The following TAOK1 variants were observed in gnomAD, a reference collection of about 807,000 sequenced individuals.
TAOK1 encodes serine/threonine-protein kinase TAO1.
A neutral mutation model predicts 138.3 loss-of-function variants in TAOK1; 21 were observed. The ratio of observed to expected loss-of-function variants is 0.15; its 90% CI spans 0.11 to 0.22. The LOEUF (loss-of-function observed/expected upper bound fraction) is 0.22. Ranked by LOEUF, TAOK1 falls within the 10% of genes least tolerant of loss-of-function variation. The pLI is 1.00. For missense variants in TAOK1, 651 were observed against 1,227.7 expected (o/e 0.53, Z 7.02); for synonymous variants, 361 against 398.4 (o/e 0.91, Z 1.12).
In TAOK1 at chr17:29,451,488, T is replaced by C; in HGVS notation, c.-61T>C. 3.3e-6 allele frequency: 5 copies of C among 1,518,418 alleles called. No homozygotes were observed. The highest frequency in any genetic ancestry group is 4.4e-6 in the Non-Finnish European group (5 of 1,135,304). The allele number at this position is 1,518,418 out of a possible 1,614,324, so 94.1% of individuals were successfully genotyped here. A position where few individuals can be genotyped will look rare whatever the true frequency, so the allele number is the denominator to read the frequency against. Reference sequence around the variant, plus strand: ...GCCAACGTGACTTCATTCATACAGATGAACCAAGGATCGGGATAGCAGTAT... The same window carrying C: ...GCCAACGTGACTTCATTCATACAGACGAACCAAGGATCGGGATAGCAGTAT... On this transcript the variant is annotated 5_prime_UTR_variant, in exon 2 of 20. It removes an upstream start codon present in the reference 5' UTR. Transcript: ENST00000261716.
intron 6 of TAOK1, among the ~76,000 whole-genome samples, chr17:29,478,642 T>C (rs1369497802): frequency 1.3e-5 from 2 of 152,190 alleles, no homozygotes; most frequent in African/African-American, 4.8e-5. Context: ...GGAATGGGCA[T>C]TAGAGAATCA....
intron 17 of TAOK1, among the ~76,000 whole-genome samples, chr17:29,526,658 C>A (rs1161154820): frequency 6.6e-6 from 1 of 151,948 alleles, no homozygotes; most frequent in Non-Finnish European, 1.5e-5. Flanking sequence ...AAGTGATCCA[C>A]CCACCTCAGC....
At chr17:29,398,102 C>T (rs1904720301) in intron 1 of TAOK1, among the ~76,000 whole-genome samples, 2 of 152,090 alleles carry the variant, frequency 1.3e-5, no homozygotes, top group African/African-American at 4.8e-5. Flanking sequence ...CATGGGGGCT[C>T]AGGCAGTCCT....
intron 1 of TAOK1, among the ~76,000 whole-genome samples, chr17:29,408,199 G>A (rs1297246743): frequency 2.0e-5 from 3 of 150,640 alleles, no homozygotes; most frequent in Non-Finnish European, 3.0e-5. Flanking sequence ...TTACAGGTGT[G>A]TGCCACTGCA....
chr17:29,495,255 A>G (rs1259320954), intron 10 of TAOK1, among the ~76,000 whole-genome samples: 1 of 152,208 alleles, frequency 6.6e-6, no homozygotes, highest in Non-Finnish European at 1.5e-5. Flanking sequence ...TTCTTAGAAT[A>G]TGTAAACCTT....
chr17:29,440,084 T>C (rs2029894580), intron 1 of TAOK1, among the ~76,000 whole-genome samples: 1 of 152,142 alleles, frequency 6.6e-6, no homozygotes, highest in Admixed American at 6.5e-5. Context: ...TTTTGAGCTA[T>C]GATATTAAAC....
At chr17:29,511,055 C>T (rs2031711515) in intron 15 of TAOK1, 63 bp downstream of exon 15, 2 of 1,453,840 alleles carry the variant, frequency 1.4e-6, no homozygotes. Flanking sequence ...CAATGGTGAC[C>T]AACTCATAGA....
chr17:29,515,778 G>A (rs907948418), intron 15 of TAOK1, among the ~76,000 whole-genome samples: 10 of 151,798 alleles, frequency 6.6e-5, no homozygotes, highest in Non-Finnish European at 1.0e-4. Flanking sequence ...GGAGGTTGCA[G>A]TGAGCCGAGA....
chr17:29,431,761 C>T (rs1472108404), intron 1 of TAOK1, among the ~76,000 whole-genome samples: 1 of 151,060 alleles, frequency 6.6e-6, no homozygotes, highest in African/African-American at 2.4e-5. Flanking sequence ...CTCAGCCTCC[C>T]AAGTAGCTGG....
chr17:29,402,433 G>C (rs1904876238), intron 1 of TAOK1, among the ~76,000 whole-genome samples: 1 of 151,970 alleles, frequency 6.6e-6, no homozygotes, highest in Non-Finnish European at 1.5e-5. Context: ...CTACCAAGTA[G>C]CTGAGACTAC....
intron 12 of TAOK1, among the ~76,000 whole-genome samples, chr17:29,501,309 A>G (rs549437578): frequency 2.2e-4 from 33 of 151,516 alleles, no homozygotes; most frequent in African/African-American, 7.7e-4. Flanking sequence ...GAGGCTGAGT[A>G]GTGGAGGCAC....
At chr17:29,514,784 G>A (rs2031783226) in intron 15 of TAOK1, 1 of 150,522 alleles carries the variant, frequency 6.6e-6, no homozygotes, top group African/African-American at 2.5e-5. Context: ...TTGAGCCCAG[G>A]AGTTCAAGAC....
At chr17:29,458,553 A>C (rs962376027) in intron 2 of TAOK1, among the ~76,000 whole-genome samples, 3 of 152,224 alleles carry the variant, frequency 2.0e-5, no homozygotes, top group African/African-American at 4.8e-5. Context: ...GCTGGAGTGC[A>C]ATGGCACAAT....
chr17:29,413,547 G>T (rs894122279), intron 1 of TAOK1, among the ~76,000 whole-genome samples: 6 of 152,142 alleles, frequency 3.9e-5, no homozygotes, highest in African/African-American at 1.4e-4. Flanking sequence ...AGTGAGTGGA[G>T]ATCACGCCAC....
At chr17:29,446,508 T>G (rs1412717834) in intron 1 of TAOK1, among the ~76,000 whole-genome samples, 9 of 152,128 alleles carry the variant, frequency 5.9e-5, no homozygotes. Flanking sequence ...CCCAAAGTGC[T>G]GAGATTACAG....
intron 1 of TAOK1, among the ~76,000 whole-genome samples, chr17:29,422,561 G>T (rs1311924726): frequency 6.6e-6 from 1 of 152,106 alleles, no homozygotes; most frequent in East Asian, 1.9e-4. Context: ...TTTTTTCAGA[G>T]ACTCTCCATT....
intron 2 of TAOK1, among the ~76,000 whole-genome samples, chr17:29,457,093 T>C (rs1005570999): frequency 8.0e-5 from 7 of 87,184 alleles, no homozygotes; most frequent in African/African-American, 1.7e-4. Flanking sequence ...CTTTTTCTTT[T>C]TTTTTTTTTT....
At chr17:29,395,509 C>T (rs911959238) in intron 1 of TAOK1, among the ~76,000 whole-genome samples, 1 of 151,920 alleles carries the variant, frequency 6.6e-6, no homozygotes, top group South Asian at 2.1e-4. Context: ...ACAGCCTGGG[C>T]GGCAGAACAA....
intron 19 of TAOK1, among the ~76,000 whole-genome samples, chr17:29,534,718 C>A (rs1329680387): frequency 6.6e-6 from 1 of 152,168 alleles, no homozygotes. Context: ...AGGAATATTA[C>A]CTTACTCATA....
Sources: allele counts gnomAD v4.1 joint callset (sites outside exome capture counted in the v4.1 genomes callset), GRCh38; gene constraint gnomAD v4.1.1; transcripts MANE v1.5; gene names NCBI Gene and HGNC (gene_info 2026-07-23, HGNC 2026-07-21).